Variants in CORIN observed in about 807,000 individuals in gnomAD.
CORIN encodes corin, serine peptidase.
A neutral mutation model predicts 125.3 loss-of-function variants in CORIN; 117 were observed. The ratio of observed to expected loss-of-function variants is 0.93; its 90% confidence interval spans 0.80 to 1.09. The LOEUF (loss-of-function observed/expected upper bound fraction) is 1.09. Among genes scored for constraint, CORIN ranks in the 50% least tolerant of loss-of-function variants. CORIN has a pLI of 0.00. For missense variants in CORIN, 1,253 were observed against 1,306.7 expected, an observed-to-expected ratio of 0.96 and a Z score of 0.63; for synonymous variants, 450 against 466.4, an observed-to-expected ratio of 0.96 and a Z score of 0.45.
At chr4:47,797,657 G>T (rs2109936030) in intron 2 of CORIN, among the ~76,000 whole-genome samples, 1 of 152,042 alleles carries the variant, frequency 6.6e-6, no homozygotes. Flanking sequence ...TTAGTTAATT[G>T]TTACTTGGGT....
chr4:47,832,442 TTTC>T lies in CORIN; in HGVS notation c.63+5442_63+5444del, dbSNP rs535792787. 7.9e-3 allele frequency among the ~76,000 whole-genome samples: 1,024 copies of T among 128,958 alleles called. 13 individuals are homozygous for T. The highest frequency in any genetic ancestry group is 0.026 in the African/African-American group (944 of 36,622). 84.6% of individuals were successfully genotyped at this position (128,958 alleles called of 152,430 possible). ...TCTTTTCTTTCTTTCTTTCTTTTCT[TTTC>T]TTTTTTTTTTTTTTTTTGAGATGGA... On this transcript the variant is annotated intron_variant, in intron 1 of 21. Transcript: ENST00000273857.
intron 19 of CORIN, among the ~76,000 whole-genome samples, chr4:47,618,595 G>A (rs574614378): frequency 6.6e-5 from 10 of 151,992 alleles, no homozygotes; most frequent in Non-Finnish European, 1.0e-4. Context: ...CGAGGAGGGC[G>A]GATCACAAGG....
chr4:47,803,728 T>C (rs1731644616), intron 2 of CORIN, among the ~76,000 whole-genome samples: 1 of 152,244 alleles, frequency 6.6e-6, no homozygotes, highest in South Asian at 2.1e-4. Context: ...AAGACTTAAA[T>C]ATAAGACTTC....
rs936781621 is a variant in CORIN at position 47,677,446 on chromosome 4, C to T, written c.1249+492G>A. 1.1e-4 allele frequency among the ~76,000 whole-genome samples: 17 copies of T among 152,312 alleles called. 1 individual carries two copies. The highest frequency in any genetic ancestry group is 3.8e-4 in the African/African-American group (16 of 41,570). On this transcript the variant is annotated intron_variant, in intron 9 of 21. Coordinates refer to ENST00000273857, the MANE Select transcript of CORIN (RefSeq NM_006587.4). ...CTTTCTTTTCTGACAGAAATAGTTA[C>T]ATTTAAAAAACAATTTATTGGATCT... is the stretch of plus-strand genomic sequence containing the variant.
chr4:47,706,342 C>T (rs1726549251), intron 5 of CORIN: 4 of 1,536,882 alleles, frequency 2.6e-6, no homozygotes, highest in Non-Finnish European at 1.8e-6. Context: ...TTTGCCTTTC[C>T]GTCTGGCGGC....
intron 5 of CORIN, chr4:47,707,112 A>C: frequency 7.1e-7 from 1 of 1,407,844 alleles, no homozygotes; most frequent in Non-Finnish European, 9.3e-7. Context: ...TCAAATTAAG[A>C]AAGTTAAAGT....
chr4:47,683,676 G>A (rs1725386541), intron 7 of CORIN, 55 bp downstream of exon 7: 1 of 1,310,164 alleles, frequency 7.6e-7, no homozygotes, highest in Non-Finnish European at 1.1e-6. Flanking sequence ...TAAGTTTTTG[G>A]TTATAAATTT....
At chr4:47,733,390 ACAATT>A (rs2109818677) in intron 5 of CORIN, among the ~76,000 whole-genome samples, 1 of 152,336 alleles carries the variant, frequency 6.6e-6, no homozygotes, top group Non-Finnish European at 1.5e-5. Flanking sequence ...AAATAAACCC[ACAATT>A]CAATAGGAGA....
rs559280429 is a variant in CORIN at position 47,821,034 on chromosome 4, A to G, written c.64-13987T>C. On this transcript the variant is annotated intron_variant, in intron 1 of 21. Coordinates refer to ENST00000273857, the MANE Select transcript of CORIN (RefSeq NM_006587.4). ...GGCGGATCATGAGGTTAGGAGTTCAAGCCCAGCCTGGCCAATATGGTGAAA... is the reference window on the plus strand; with the variant it reads ...GGCGGATCATGAGGTTAGGAGTTCAGGCCCAGCCTGGCCAATATGGTGAAA... 1.2e-4 allele frequency among the ~76,000 whole-genome samples: 18 copies of G among 152,260 alleles called. No individual in the cohort carries two copies. In the South Asian group the frequency reaches 1.5e-3, roughly 12 times the overall value.
At chr4:47,677,646 T>A (rs1000227612) in intron 9 of CORIN, among the ~76,000 whole-genome samples, 1 of 152,232 alleles carries the variant, frequency 6.6e-6, no homozygotes, top group Non-Finnish European at 1.5e-5. Context: ...TTGGATGCTA[T>A]ACACTAAACT....
intron 2 of CORIN, among the ~76,000 whole-genome samples, chr4:47,793,441 C>T (rs1731164778): frequency 1.3e-5 from 2 of 152,006 alleles, no homozygotes; most frequent in South Asian, 4.1e-4. Flanking sequence ...GAAAGGTTAG[C>T]TTAAGGAAAA....
At chr4:47,708,443 T>C (rs2109772302) in intron 5 of CORIN, among the ~76,000 whole-genome samples, 1 of 152,298 alleles carries the variant, frequency 6.6e-6, no homozygotes, top group East Asian at 1.9e-4. Context: ...AATGAGATAA[T>C]TCAGAATTCC....
intron 17 of CORIN, among the ~76,000 whole-genome samples, chr4:47,624,802 G>GA (rs890986390): frequency 1.7e-4 from 26 of 151,200 alleles, no homozygotes; most frequent in South Asian, 6.2e-4. Context: ...CAATGTAAAT[G>GA]AAAAAGGACA....
intron 5 of CORIN, among the ~76,000 whole-genome samples, chr4:47,732,944 G>A (rs911115804): frequency 1.2e-4 from 18 of 151,984 alleles, no homozygotes; most frequent in African/African-American, 4.1e-4. Context: ...TCTCCCAAAT[G>A]TACCATGGCT....
intron 16 of CORIN, among the ~76,000 whole-genome samples, chr4:47,639,141 T>C (rs1480389560): frequency 2.8e-5 from 3 of 107,420 alleles, no homozygotes; most frequent in African/African-American, 4.1e-5. Flanking sequence ...GTATGCTGGT[T>C]CCGGACCCTA....
chr4:47,715,432 C>A (rs1727044068), intron 5 of CORIN, among the ~76,000 whole-genome samples: 1 of 151,846 alleles, frequency 6.6e-6, no homozygotes, highest in African/African-American at 2.4e-5. Context: ...CATGGCGAAA[C>A]CTCGTCTCTA....
rs538262642 is a variant in CORIN, at chr4:47,734,987, A to T, written c.799+9415T>A. On this transcript the variant is annotated intron_variant, in intron 5 of 21. Transcript: ENST00000273857. ...TCATCATAATTACTTTTACTTTTTCAGAGTACCTGGAATGATACGCAGAAA... is the reference window on the plus strand; with the variant it reads ...TCATCATAATTACTTTTACTTTTTCTGAGTACCTGGAATGATACGCAGAAA... Among the ~76,000 whole-genome samples, 17 of 152,372 alleles carry T rather than the reference A, an allele frequency of 1.1e-4. No individual in the cohort carries two copies. In the East Asian group the frequency reaches 3.3e-3, roughly 29 times the overall value.
Position 47,602,439 on chromosome 4 carries a change from A to T in CORIN, c.2812+958T>A, listed in dbSNP as rs529082197. Among the ~76,000 whole-genome samples the T allele has an allele frequency of 2.6e-5, 4 of 152,354 alleles. No homozygotes were observed. In the South Asian group the frequency reaches 8.3e-4, roughly 32 times the overall value. ...AGCCAAACTATTTTAATCAATTTAA[A>T]TAGTCAAATAGCAAATCAATATACT... On this transcript the variant is annotated intron_variant, in intron 20 of 21. Coordinates refer to ENST00000273857, the MANE Select transcript of CORIN (RefSeq NM_006587.4).
intron 5 of CORIN, among the ~76,000 whole-genome samples, chr4:47,716,004 A>G (rs1306573876): frequency 6.6e-6 from 1 of 152,172 alleles, no homozygotes; most frequent in Non-Finnish European, 1.5e-5. Context: ...AGAATTTTCA[A>G]CCTCTGAATT....
Sources: allele counts gnomAD v4.1 joint callset (sites outside exome capture counted in the v4.1 genomes callset), GRCh38; gene constraint gnomAD v4.1.1; transcripts MANE v1.5; gene names NCBI Gene and HGNC (gene_info 2026-07-23, HGNC 2026-07-21).